Variants in CFAP77 observed in about 807,000 individuals in gnomAD.
CFAP77 encodes the protein cilia- and flagella-associated protein 77.
Under a neutral mutation model 31.1 loss-of-function variants are expected in CFAP77, and 25 were observed. That is an observed-to-expected ratio of 0.80 (90% confidence interval 0.59 to 1.12). The LOEUF (loss-of-function observed/expected upper bound fraction) is 1.12. Ranked by LOEUF, CFAP77 falls within the 50% of genes most tolerant of loss-of-function variation. The pLI, the probability that CFAP77 is intolerant of heterozygous loss-of-function variation, is 0.00. For synonymous variants in CFAP77, 151 were observed against 159.9 expected, an observed-to-expected ratio of 0.94 and a Z score of 0.42; for missense variants, 377 against 397.3, an observed-to-expected ratio of 0.95 and a Z score of 0.44.
At chr9:132,413,909 A>G (rs1850053619) in intron 1 of CFAP77, among the ~76,000 whole-genome samples, 2 of 152,232 alleles carry the variant, frequency 1.3e-5, no homozygotes, top group Admixed American at 1.3e-4. Context: ...TTTTTAAAAT[A>G]GAGTCATAGA....
chr9:132,567,886 G>T (rs1350409222), intron 5 of CFAP77, among the ~76,000 whole-genome samples: 1 of 152,110 alleles, frequency 6.6e-6, no homozygotes, highest in African/African-American at 2.4e-5. Context: ...AGATGCTTGT[G>T]ATTGGATTTA....
Position 132,564,469 on chromosome 9 carries a change from C to T in CFAP77, c.733-7919C>T, listed in dbSNP as rs1829861365. 6.6e-6 allele frequency among the ~76,000 whole-genome samples: 1 copy of T among 152,060 alleles called. No individual in the cohort carries two copies. Among genetic ancestry groups the T allele is most frequent in the African/African-American group, 2.4e-5 (1 of 41,374 alleles). On this transcript the variant is annotated intron_variant, in intron 5 of 5. Transcript: ENST00000393216. The surrounding 1 kb of genome is among the most constrained non-coding windows in gnomAD (Gnocchi z 4.6). Reference sequence around the variant, plus strand: ...AAAATTGCCTGGAAATGTAAAATCACGCTTATAAATAACTTAGCGATCAAA... The same window carrying T: ...AAAATTGCCTGGAAATGTAAAATCATGCTTATAAATAACTTAGCGATCAAA...
In CFAP77 at chr9:132,480,483, T is replaced by C. The variant is rs1248480845; in HGVS notation, c.196-18212T>C. The stretch of plus-strand genomic sequence containing the variant: ...CCCTTGGTGCTCAGTCACGTGAGCA[T>C]CCCAGAGCATGTGCTGAAGACCTAC... On this transcript the variant is annotated intron_variant, in intron 1 of 5. Coordinates refer to ENST00000393216, the MANE Select transcript of CFAP77 (RefSeq NM_001282957.2). This position sits in a 1 kb window ranked among gnomAD's most constrained non-coding sequence, Gnocchi z 5.8. Among the ~76,000 whole-genome samples the C allele has an allele frequency of 1.3e-5, 2 of 152,150 alleles. No homozygotes were observed. The highest frequency in any genetic ancestry group is 2.9e-5 in the Non-Finnish European group (2 of 68,020).
intron 1 of CFAP77, among the ~76,000 whole-genome samples, chr9:132,483,240 C>T (rs1299953889): frequency 2.6e-5 from 4 of 152,088 alleles, no homozygotes; most frequent in Non-Finnish European, 5.9e-5. Flanking sequence ...CATTGCACTC[C>T]ATCCTGGGCA....
At chr9:132,440,485 T>A (rs1419842792) in intron 1 of CFAP77, among the ~76,000 whole-genome samples, 1 of 152,206 alleles carries the variant, frequency 6.6e-6, no homozygotes. Context: ...TATTCCCATT[T>A]TACAGATCAG....
intron 1 of CFAP77, among the ~76,000 whole-genome samples, chr9:132,447,835 T>C (rs1447013529): frequency 6.6e-6 from 1 of 152,210 alleles, no homozygotes; most frequent in South Asian, 2.1e-4. Context: ...CCCTAGAATA[T>C]TTCTTAATAA....
Position 132,499,283 on chromosome 9 carries a change from C to T in CFAP77, c.296-89C>T. 1 of 1,168,356 alleles carries T rather than the reference C, an allele frequency of 8.6e-7. No homozygotes were observed. Among genetic ancestry groups the T allele is most frequent in the Non-Finnish European group, 1.2e-6 (1 of 809,010 alleles). 72.4% of individuals were successfully genotyped at this position (1,168,356 alleles called of 1,614,324 possible). A position where few individuals can be genotyped will look rare whatever the true frequency, so the allele number is the denominator to read the frequency against. On this transcript the variant is annotated intron_variant, in intron 2 of 5. Transcript: ENST00000393216. This position sits in a 1 kb window ranked among gnomAD's most constrained non-coding sequence, Gnocchi z 5.4. The stretch of plus-strand genomic sequence containing the variant: ...TCAGGTAAATGGGAAGGCCGAGGAC[C>T]CGCGTGCCCCCATTTCTTCTCGATC...
At position 132,480,467 on chromosome 9, in the gene CFAP77, C is replaced by T. The variant is rs1851425814; in HGVS notation, c.196-18228C>T. Reference sequence around the variant, plus strand: ...TGCCTGTGTGCCCCACCCCTTGGTGCTCAGTCACGTGAGCATCCCAGAGCA... The same window carrying T: ...TGCCTGTGTGCCCCACCCCTTGGTGTTCAGTCACGTGAGCATCCCAGAGCA... On this transcript the variant is annotated intron_variant, in intron 1 of 5. Transcript: ENST00000393216. The surrounding 1 kb of genome is among the most constrained non-coding windows in gnomAD (Gnocchi z 5.8). 6.6e-6 allele frequency among the ~76,000 whole-genome samples: 1 copy of T among 152,234 alleles called. No homozygotes were observed. The highest frequency in any genetic ancestry group is 1.5e-5 in the Non-Finnish European group (1 of 68,042).
intron 1 of CFAP77, among the ~76,000 whole-genome samples, chr9:132,466,812 T>G (rs775945550): frequency 5.3e-5 from 8 of 152,180 alleles, no homozygotes; most frequent in Non-Finnish European, 1.2e-4. Flanking sequence ...ATTCTTTGAT[T>G]CAGATCAATC....
chr9:132,495,184 ATTT>A lies in CFAP77; in HGVS notation c.196-3501_196-3499del, dbSNP rs112247278. On this transcript the variant is annotated intron_variant, in intron 1 of 5. Coordinates refer to ENST00000393216, the MANE Select transcript of CFAP77 (RefSeq NM_001282957.2). The surrounding 1 kb of genome is among the most constrained non-coding windows in gnomAD (Gnocchi z 4.2). ...AAGTATGAGCAAACCTCCCATTGGG[ATTT>A]TTTTTTTTTGTAGTCTAAAGCTTCC... Among the ~76,000 whole-genome samples, 83 of 147,578 alleles carry A rather than the reference ATTT, an allele frequency of 5.6e-4. 1 individual carries two copies. The highest frequency in any genetic ancestry group is 1.9e-3 in the African/African-American group (78 of 40,502).
chr9:132,414,889 C>T (rs555723687), intron 1 of CFAP77, among the ~76,000 whole-genome samples: 1 of 152,228 alleles, frequency 6.6e-6, no homozygotes, highest in South Asian at 2.1e-4. Context: ...GGCAACCACA[C>T]CATGCCCACT....
intron 5 of CFAP77, 59 bp downstream of exon 5, chr9:132,543,106 C>T: frequency 7.1e-7 from 1 of 1,416,970 alleles, no homozygotes; most frequent in Non-Finnish European, 1.0e-6. Context: ...GCTCACCTTG[C>T]CAGGTCCTTA....
chr9:132,429,913 G>T (rs1702988665), intron 1 of CFAP77, among the ~76,000 whole-genome samples: 1 of 151,580 alleles, frequency 6.6e-6, no homozygotes, highest in Non-Finnish European at 1.5e-5. Context: ...TGCCACCATT[G>T]CTTTCTGCTT....
rs1829977187 is a variant in CFAP77, at chr9:132,572,744, T to G, written c.*234T>G. ...CTCTACCTGGAGCCTCCTCCTCTCC[T>G]CCTCCTTCTCCTCCTAGGGCAGGCT... On this transcript the variant is annotated 3_prime_UTR_variant, in exon 6 of 6. Coordinates refer to ENST00000393216, the MANE Select transcript of CFAP77 (RefSeq NM_001282957.2). 3 of 525,964 alleles carry G rather than the reference T, an allele frequency of 5.7e-6. No individual in the cohort carries two copies. In the Admixed American group the frequency reaches 1.1e-4, roughly 19 times the overall value. The allele number at this position is 525,964 out of a possible 1,614,324, so 32.6% of individuals were successfully genotyped here. A position where few individuals can be genotyped will look rare whatever the true frequency, so the allele number is the denominator to read the frequency against.
intron 3 of CFAP77, among the ~76,000 whole-genome samples, chr9:132,529,647 A>T (rs559884669): frequency 3.9e-5 from 6 of 151,958 alleles, no homozygotes; most frequent in African/African-American, 1.4e-4. Context: ...TAACACGGTG[A>T]AACCCCGTCT....
In CFAP77 at chr9:132,463,118, G is replaced by C. The variant is rs115600543; in HGVS notation, c.196-35577G>C. Among the ~76,000 whole-genome samples the C allele has an allele frequency of 5.7e-3, 869 of 152,252 alleles. 11 individuals carry two copies. The highest frequency in any genetic ancestry group is 0.02 in the African/African-American group (839 of 41,536). On this transcript the variant is annotated intron_variant, in intron 1 of 5. Coordinates refer to ENST00000393216, the MANE Select transcript of CFAP77 (RefSeq NM_001282957.2). ...CAAATAGAGGAGGAAAGGGTGCCTG[G>C]GCGGGCTGGGAACGGATGGAAGGTG...
chr9:132,458,133 C>T (rs1393817441), intron 1 of CFAP77, among the ~76,000 whole-genome samples: 2 of 152,156 alleles, frequency 1.3e-5, no homozygotes, highest in East Asian at 3.9e-4. Flanking sequence ...CCTTGCGGTG[C>T]GTGTGAGATC....
At chr9:132,569,585 C>T (rs74372190) in intron 5 of CFAP77, among the ~76,000 whole-genome samples, 2,694 of 152,206 alleles carry the variant, frequency 0.018, 89 homozygotes, top group African/African-American at 0.062. Flanking sequence ...TGACTGGCCA[C>T]CAGAGACAGC....
chr9:132,532,755 G>C (rs1275369399), intron 3 of CFAP77, among the ~76,000 whole-genome samples: 1 of 152,024 alleles, frequency 6.6e-6, no homozygotes, highest in Non-Finnish European at 1.5e-5. Flanking sequence ...TTGCATCTTT[G>C]AAAAACACAT....
Sources: allele counts gnomAD v4.1 joint callset (sites outside exome capture counted in the v4.1 genomes callset), GRCh38; gene constraint gnomAD v4.1.1; non-coding constraint Gnocchi (gnomAD v3.1); transcripts MANE v1.5; gene names NCBI Gene and HGNC (gene_info 2026-07-23, HGNC 2026-07-21).